Variants in NELL2 observed in about 807,000 individuals in gnomAD.
NELL2 encodes protein kinase C-binding protein NELL2.
A neutral mutation model predicts 109.6 loss-of-function variants in NELL2; 41 were observed. That is an observed-to-expected ratio of 0.37 (90% CI 0.29 to 0.49). NELL2 has a LOEUF of 0.49. Ranked by LOEUF, NELL2 falls within the 20% of genes least tolerant of loss-of-function variation. NELL2 has a pLI of 0.98. For synonymous variants in NELL2, 355 were observed against 344.7 expected (o/e 1.03, Z -0.33); for missense variants, 900 against 1,008.3 (o/e 0.89, Z 1.45).
At chr12:44,616,717 T>C (rs1479921477) in intron 13 of NELL2, among the ~76,000 whole-genome samples, 2 of 152,198 alleles carry the variant, frequency 1.3e-5, no homozygotes, top group Non-Finnish European at 2.9e-5. Flanking sequence ...GTTTTACCGA[T>C]GTCCATCCAT....
chr12:44,714,670 A>G lies in NELL2; in HGVS notation c.1066T>C (p.Cys356Arg), dbSNP rs1041998515. ...CTTACCTTGCACTCATAGAGAACAC[A>G]TACTCCAGAAGAGGAATAGACTGTA... ...RNTVYSSSGVCVLYECKDQTM... is the reference protein window; with the variant it reads ...RNTVYSSSGVRVLYECKDQTM... Residue 356 changes from cysteine (C) to arginine (R), a missense_variant, in exon 10 of 20, where the codon TGT (cysteine) becomes CGT (arginine). Around this residue, in one of 4 missense-constraint regions of NELL2, gnomAD observed 292 missense variants for 265.3 expected, o/e 1.10. Transcript: ENST00000429094. The G allele has an allele frequency of 6.3e-7, 1 of 1,597,140 alleles. No homozygotes were observed. Among genetic ancestry groups the G allele is most frequent in the Non-Finnish European group, 8.5e-7 (1 of 1,173,562 alleles).
intron 2 of NELL2, among the ~76,000 whole-genome samples, chr12:44,849,565 T>C (rs1255642859): frequency 6.6e-6 from 1 of 152,202 alleles, no homozygotes; most frequent in Non-Finnish European, 1.5e-5. Context: ...TACAAAATGG[T>C]ACAATCACTT....
At chr12:44,575,756 G>C (rs1181846097) in intron 15 of NELL2, among the ~76,000 whole-genome samples, 1 of 152,202 alleles carries the variant, frequency 6.6e-6, no homozygotes, top group East Asian at 1.9e-4. Context: ...CACAGTTCCA[G>C]TCATCTCTCA....
chr12:44,883,355 A>T (rs1173013494), intron 1 of NELL2, among the ~76,000 whole-genome samples: 1 of 142,960 alleles, frequency 7.0e-6, no homozygotes, highest in Non-Finnish European at 1.6e-5. Flanking sequence ...ACAGCAGGCA[A>T]AGTCTTTCTC....
At chr12:44,726,769 T>G (rs1271907888) in intron 9 of NELL2, among the ~76,000 whole-genome samples, 1 of 152,164 alleles carries the variant, frequency 6.6e-6, no homozygotes, top group Non-Finnish European at 1.5e-5. Flanking sequence ...TTTTTCAAAA[T>G]CATTCAACTT....
chr12:44,774,744 C>G lies in NELL2; in HGVS notation c.994+3G>C. 6.2e-7 allele frequency: 1 copy of G among 1,609,256 alleles called. No individual in the cohort carries two copies. Among genetic ancestry groups the G allele is most frequent in the East Asian group, 2.2e-5 (1 of 44,846 alleles). Reference sequence around the variant, plus strand: ...AAGTATTCATCATAAAAGTTATGCTCACATTTGCATTCCTTACAGCATTTG... The same window carrying G: ...AAGTATTCATCATAAAAGTTATGCTGACATTTGCATTCCTTACAGCATTTG... On this transcript the variant is annotated splice_donor_region_variant and intron_variant, in intron 9 of 19. Coordinates refer to ENST00000429094, the MANE Select transcript of NELL2 (RefSeq NM_001145108.2).
chr12:44,882,006 T>C (rs762813144), intron 1 of NELL2, among the ~76,000 whole-genome samples: 2 of 151,890 alleles, frequency 1.3e-5, no homozygotes, highest in Non-Finnish European at 2.9e-5. Flanking sequence ...AATTTTGTCA[T>C]CCCAGAATTC....
At chr12:44,674,650 A>G (rs1051854614) in intron 12 of NELL2, among the ~76,000 whole-genome samples, 2 of 152,224 alleles carry the variant, frequency 1.3e-5, no homozygotes, top group African/African-American at 4.8e-5. Flanking sequence ...GTAGTGATAT[A>G]AAGACATTAA....
chr12:44,811,183 G>T (rs1403560413), intron 3 of NELL2, among the ~76,000 whole-genome samples: 18 of 151,872 alleles, frequency 1.2e-4, no homozygotes, highest in Admixed American at 1.2e-3. Context: ...CAAGGGGTCA[G>T]GGGGAAGGGG....
chr12:44,879,543 T>C (rs1211434111), upstream of NELL2, among the ~76,000 whole-genome samples: 1 of 151,850 alleles, frequency 6.6e-6, no homozygotes, highest in Non-Finnish European at 1.5e-5. Context: ...AAAAAAGACA[T>C]AGCAGAAGAT....
intron 12 of NELL2, among the ~76,000 whole-genome samples, chr12:44,686,958 C>T (rs1437892115): frequency 6.6e-6 from 1 of 152,208 alleles, no homozygotes; most frequent in African/African-American, 2.4e-5. Flanking sequence ...TCTAGCTTCC[C>T]TGCTGCTTTG....
intron 15 of NELL2, among the ~76,000 whole-genome samples, chr12:44,544,201 A>C (rs535525114): frequency 6.6e-6 from 1 of 152,172 alleles, no homozygotes. Context: ...AACTAGTGAT[A>C]TAACTATATT....
intron 9 of NELL2, among the ~76,000 whole-genome samples, chr12:44,726,608 G>A (rs897407171): frequency 6.6e-6 from 1 of 152,068 alleles, no homozygotes; most frequent in Non-Finnish European, 1.5e-5. Flanking sequence ...GTTTAGATGT[G>A]TTATACTTAA....
intron 15 of NELL2, among the ~76,000 whole-genome samples, chr12:44,550,753 AT>A (rs1592104547): frequency 6.6e-6 from 1 of 152,138 alleles, no homozygotes; most frequent in East Asian, 1.9e-4. Context: ...ATATGGTGAA[AT>A]AAGTCAGACA....
intron 9 of NELL2, among the ~76,000 whole-genome samples, chr12:44,715,628 A>G (rs1938444190): frequency 6.6e-6 from 1 of 151,958 alleles, no homozygotes; most frequent in Non-Finnish European, 1.5e-5. Flanking sequence ...ATAATTTTGT[A>G]TTGTTTATCT....
At chr12:44,602,366 T>A (rs1471743651) in intron 15 of NELL2, among the ~76,000 whole-genome samples, 2 of 152,054 alleles carry the variant, frequency 1.3e-5, no homozygotes, top group African/African-American at 4.8e-5. Context: ...AAAATTAAGA[T>A]TCAGAAAACT....
In NELL2 at chr12:44,900,487, C is replaced by A. The variant is rs564148925; in HGVS notation, c.38+13312G>T. Among the ~76,000 whole-genome samples the A allele has an allele frequency of 5.3e-5, 8 of 152,144 alleles. No homozygotes were observed. In the East Asian group the frequency reaches 1.5e-3, roughly 29 times the overall value. On this transcript the variant is annotated intron_variant, in intron 1 of 20. Coordinates refer to the NELL2 transcript ENST00000333837. The stretch of plus-strand genomic sequence containing the variant: ...TCAAAATCGCACAACTACATGGAAA[C>A]CGAACAACCTGCTCCTGAATGACTA...
At chr12:44,709,805 C>T (rs1201937826) in intron 11 of NELL2, among the ~76,000 whole-genome samples, 2 of 152,128 alleles carry the variant, frequency 1.3e-5, no homozygotes, top group African/African-American at 2.4e-5. Context: ...TATGGCCTGC[C>T]TATGTTTGGA....
intron 15 of NELL2, among the ~76,000 whole-genome samples, chr12:44,540,781 CAAAAAAA>C (rs57205620): frequency 2.0e-5 from 1 of 49,750 alleles, no homozygotes; most frequent in Non-Finnish European, 3.4e-5. Flanking sequence ...GTCTGCAAGC[CAAAAAAA>C]AAAAAAAAAA....
Sources: allele counts gnomAD v4.1 joint callset (sites outside exome capture counted in the v4.1 genomes callset), GRCh38; gene constraint gnomAD v4.1.1; regional missense constraint gnomAD v4.1.1; transcripts MANE v1.5; gene names NCBI Gene and HGNC (gene_info 2026-07-23, HGNC 2026-07-21).